TRPM1: variants seen among roughly 807,000 people sequenced by gnomAD.
TRPM1 encodes TRPM1-203 APA Isoform, Intron 10.
In TRPM1, 113 loss-of-function variants were observed where a neutral mutation model predicts 149.4. That is an observed-to-expected ratio of 0.76 (90% CI 0.65 to 0.88). TRPM1 has a LOEUF of 0.88. Among genes scored for constraint, TRPM1 ranks in the 40% least tolerant of loss-of-function variants. TRPM1 has a pLI of 0.00. For synonymous variants in TRPM1, 741 were observed against 759.5 expected, an observed-to-expected ratio of 0.98 and a Z score of 0.40; for missense variants, 1,976 against 2,038.7, an observed-to-expected ratio of 0.97 and a Z score of 0.59.
chr15:31,080,217 A>C (rs2034818358), intron 2 of TRPM1, among the ~76,000 whole-genome samples: 1 of 152,216 alleles, frequency 6.6e-6, no homozygotes, highest in Non-Finnish European at 1.5e-5. Flanking sequence ...ATGAATGCTA[A>C]AAGTAGTGGG....
At chr15:31,023,726 T>C (rs1404629574) in intron 27 of TRPM1, among the ~76,000 whole-genome samples, 1 of 151,842 alleles carries the variant, frequency 6.6e-6, no homozygotes, top group African/African-American at 2.4e-5. Flanking sequence ...GAGACTGGAG[T>C]GCAAGTTTGG....
intron 1 of TRPM1, among the ~76,000 whole-genome samples, chr15:31,155,274 C>T (rs940675193): frequency 3.9e-5 from 6 of 152,194 alleles, no homozygotes; most frequent in Admixed American, 2.6e-4. Flanking sequence ...TCCCCTGAGC[C>T]GGGGGCGTGC....
intron 27 of TRPM1, among the ~76,000 whole-genome samples, chr15:31,010,755 TTGAG>T: frequency 6.6e-6 from 1 of 152,326 alleles, no homozygotes; most frequent in East Asian, 1.9e-4. Context: ...TTTGCTGTCA[TTGAG>T]TGTTCTACTG....
Position 31,042,203 on chromosome 15 carries a change from TTC to T in TRPM1, c.1833_1834del (p.Lys612GlufsTer9). 1 of 1,603,166 alleles carries T rather than the reference TTC, an allele frequency of 6.2e-7. No individual in the cohort carries two copies. Among genetic ancestry groups the T allele is most frequent in the Non-Finnish European group, 8.5e-7 (1 of 1,174,704 alleles). On this transcript the variant is annotated frameshift_variant, in exon 17 of 28. Coordinates refer to ENST00000256552, the MANE Select transcript of TRPM1 (RefSeq NM_001252024.2). LOFTEE classifies it high-confidence loss of function. The stretch of plus-strand genomic sequence containing the variant: ...AATGTCGATCTCTTCCTCCTTTTTC[TTC>T]TTTTTCTTTTTCTTCCCTTTAGCTG...
Position 31,002,018 on chromosome 15 carries a change from G to T in TRPM1, c.4682C>A (p.Pro1561Gln). ...AGATGGGAATCCCAAAGTTTGATCT[G>T]GCTTCACAGACAGTAAGTTTTCCAT... ...NGMENLLSVK[P>Q]DQTLGFPSLR... Residue 1561 changes from proline (P) to glutamine (Q), a missense_variant, in exon 28 of 28, where the codon CCA (proline) becomes CAA (glutamine). Physicochemically the swap from Pro to Gln is moderately conservative, Grantham distance 76. Coordinates refer to ENST00000256552, the MANE Select transcript of TRPM1 (RefSeq NM_001252024.2). The T allele has an allele frequency of 6.2e-7, 1 of 1,614,132 alleles. No individual in the cohort carries two copies. The highest frequency in any genetic ancestry group is 8.5e-7 in the Non-Finnish European group (1 of 1,180,024).
chr15:31,067,119 T>C lies in TRPM1; in HGVS notation c.562A>G (p.Ile188Val), dbSNP rs2034398818. Reference protein sequence around the residue: ...SSKSRGRVCAIGIAPWGIVEN... With the variant: ...SSKSRGRVCAVGIAPWGIVEN... ...ACGATGCCCCATGGAGCAATTCCTATAGCACAAACCCGGCCTCTGGACTTG... is the reference window on the plus strand; with the variant it reads ...ACGATGCCCCATGGAGCAATTCCTACAGCACAAACCCGGCCTCTGGACTTG... The change falls in exon 6 of 28, where the codon ATA (isoleucine) becomes GTA (valine). Residue 188 changes from isoleucine to valine, a missense_variant. Physicochemically the swap from Ile to Val is conservative, Grantham distance 29. Coordinates refer to ENST00000256552, the MANE Select transcript of TRPM1 (RefSeq NM_001252024.2). 3 of 1,614,186 alleles carry C rather than the reference T, an allele frequency of 1.9e-6. No individual in the cohort carries two copies. Among genetic ancestry groups the C allele is most frequent in the Non-Finnish European group, 2.5e-6 (3 of 1,180,002 alleles).
intron 26 of TRPM1, 62 bp from the exon 27 acceptor site, chr15:31,026,333 A>G (rs1311749095): frequency 1.3e-6 from 2 of 1,592,046 alleles, no homozygotes; most frequent in Non-Finnish European, 8.5e-7. Context: ...CGTGGCGTCA[A>G]TGAGAATTTC....
At chr15:31,108,576 C>G (rs1426492318) in intron 1 of TRPM1, among the ~76,000 whole-genome samples, 1 of 152,200 alleles carries the variant, frequency 6.6e-6, no homozygotes, top group Admixed American at 6.5e-5. Flanking sequence ...TCACTGCAAC[C>G]TCTGCATCCC....
At chr15:31,057,804 T>C (rs1381720335) in intron 11 of TRPM1, among the ~76,000 whole-genome samples, 1 of 152,196 alleles carries the variant, frequency 6.6e-6, no homozygotes, top group Non-Finnish European at 1.5e-5. Flanking sequence ...GTGAAGTGAT[T>C]GGATCATGAG....
intron 1 of TRPM1, among the ~76,000 whole-genome samples, chr15:31,142,205 C>G (rs2036171291): frequency 1.3e-5 from 2 of 152,096 alleles, no homozygotes; most frequent in African/African-American, 4.8e-5. Flanking sequence ...GGGTGTCTCC[C>G]TCTCTGCATC....
chr15:31,019,532 G>T (rs1299955848), intron 27 of TRPM1, among the ~76,000 whole-genome samples: 1 of 152,158 alleles, frequency 6.6e-6, no homozygotes, highest in Admixed American at 6.5e-5. Flanking sequence ...CTCCCGAGTG[G>T]CTGGGATTAC....
chr15:31,121,215 C>G (rs533717526), intron 1 of TRPM1, among the ~76,000 whole-genome samples: 1 of 111,666 alleles, frequency 9.0e-6, no homozygotes, highest in East Asian at 2.6e-4. Context: ...CAGAGCAAGA[C>G]TCCATCTCAA....
chr15:31,053,215 ATAT>A (rs1314763190), intron 11 of TRPM1, among the ~76,000 whole-genome samples: 3 of 152,154 alleles, frequency 2.0e-5, no homozygotes, highest in Non-Finnish European at 2.9e-5. Flanking sequence ...ACCATCTGAG[ATAT>A]TATCTCACAC....
At chr15:31,089,030 TGGG>T (rs780784383) in intron 1 of TRPM1, among the ~76,000 whole-genome samples, 3 of 152,108 alleles carry the variant, frequency 2.0e-5, no homozygotes, top group Non-Finnish European at 2.9e-5. Context: ...GGCACTCAAA[TGGG>T]GGTATCAGAA....
chr15:31,131,298 A>G (rs752265953), intron 1 of TRPM1, among the ~76,000 whole-genome samples: 1 of 152,246 alleles, frequency 6.6e-6, no homozygotes, highest in Non-Finnish European at 1.5e-5. Context: ...GATGCTGGCA[A>G]TTCAGATATG....
At chr15:31,060,237 A>G in intron 11 of TRPM1, 1 of 447,920 alleles carries the variant, frequency 2.2e-6, no homozygotes, top group South Asian at 2.2e-5. Flanking sequence ...GCATTGCATT[A>G]AATTTTAATA....
chr15:31,149,647 G>A (rs1228362692), intron 1 of TRPM1, among the ~76,000 whole-genome samples: 2 of 151,494 alleles, frequency 1.3e-5, no homozygotes, highest in Non-Finnish European at 2.9e-5. Context: ...AGCCTCCCGA[G>A]TAGCTGGGAC....
At position 31,032,858 on chromosome 15, in the gene TRPM1, G is replaced by A; in HGVS notation, c.2783C>T (p.Ala928Val). 1 of 1,614,180 alleles carries A rather than the reference G, an allele frequency of 6.2e-7. No individual in the cohort carries two copies. Among genetic ancestry groups the A allele is most frequent in the Non-Finnish European group, 8.5e-7 (1 of 1,180,042 alleles). Reference protein sequence around the residue: ...QEYWNITDLVAISTFMIGAIL... With the variant: ...QEYWNITDLVVISTFMIGAIL... ...TGCTCCAATCATGAATGTGGAAATG[G>A]CCACGAGATCTGTGATGTTCCAGTA... Residue 928 changes from alanine (A) to valine (V), a missense_variant, in exon 22 of 28, where the codon GCC becomes GTC. Transcript: ENST00000256552.
Position 31,060,569 on chromosome 15 carries a change from A to C in TRPM1, c.1238T>G (p.Ile413Ser). Reference sequence around the variant, plus strand: ...CGGCCAGTGGGGCCCAAAGACAAAGATCTGGCTTCGTGCTATGTCCACGCG... The same window carrying C: ...CGGCCAGTGGGGCCCAAAGACAAAGCTCTGGCTTCGTGCTATGTCCACGCG... ...WNRVDIARSQ[I>S]FVFGPHWPPL... Residue 413 changes from isoleucine to serine, a missense_variant, in exon 11 of 28, where the codon ATC becomes AGC. Ile to Ser is a moderately radical substitution (Grantham distance 142). Around this residue, in one of 3 missense-constraint regions of TRPM1, gnomAD observed 1,332 missense variants for 1,347.1 expected, o/e 0.99. Coordinates refer to ENST00000256552, the MANE Select transcript of TRPM1 (RefSeq NM_001252024.2). The C allele has an allele frequency of 6.2e-7, 1 of 1,614,220 alleles. No individual in the cohort carries two copies. The highest frequency in any genetic ancestry group is 8.5e-7 in the Non-Finnish European group (1 of 1,180,018).
Sources: allele counts gnomAD v4.1 joint callset (sites outside exome capture counted in the v4.1 genomes callset), GRCh38; gene constraint gnomAD v4.1.1; regional missense constraint gnomAD v4.1.1; transcripts MANE v1.5; gene names NCBI Gene and HGNC (gene_info 2026-07-23, HGNC 2026-07-21).